IQCH: variants seen among roughly 807,000 people sequenced by gnomAD.
IQCH encodes the protein IQ motif containing H, also known as IQ domain-containing protein H.
IQCH carries 98 observed loss-of-function variants against 117.0 expected under a neutral mutation model. That is an observed-to-expected ratio of 0.84 (90% CI 0.71 to 0.99). The LOEUF is 0.99. Ranked by LOEUF, IQCH falls within the 50% of genes least tolerant of loss-of-function variation. The pLI is 0.00. For synonymous variants in IQCH, 412 were observed against 448.2 expected, an observed-to-expected ratio of 0.92 and a Z score of 1.02; for missense variants, 1,102 against 1,243.8, an observed-to-expected ratio of 0.89 and a Z score of 1.72.
chr15:67,485,019 C>T (rs895935286), intron 18 of IQCH, among the ~76,000 whole-genome samples: 1 of 152,060 alleles, frequency 6.6e-6, no homozygotes, highest in South Asian at 2.1e-4. Flanking sequence ...ATAACTCCAC[C>T]GATCCCAGCC....
chr15:67,293,589 T>G (rs1966826529), intron 4 of IQCH, among the ~76,000 whole-genome samples: 1 of 150,888 alleles, frequency 6.6e-6, no homozygotes, highest in African/African-American at 2.5e-5. Flanking sequence ...TACAGATACA[T>G]TTTTTAAAAA....
intron 4 of IQCH, among the ~76,000 whole-genome samples, chr15:67,333,746 C>A (rs1968771973): frequency 6.6e-6 from 1 of 152,068 alleles, no homozygotes; most frequent in Non-Finnish European, 1.5e-5. Context: ...TTAAGCTTTT[C>A]TATATTTTTT....
At chr15:67,263,098 T>C (rs781499732) in intron 2 of IQCH, 24 bp from the exon 3 acceptor site, 17 of 1,260,672 alleles carry the variant, frequency 1.3e-5, no homozygotes, top group Non-Finnish European at 1.7e-5. Flanking sequence ...AATAATTGCC[T>C]AAACTTTGAC....
chr15:67,466,120 A>G lies in IQCH; in HGVS notation c.2676+823A>G, dbSNP rs2082926241. Among the ~76,000 whole-genome samples the G allele has an allele frequency of 6.6e-6, 1 of 152,002 alleles. No homozygotes were observed. The highest frequency in any genetic ancestry group is 6.6e-5 in the Admixed American group (1 of 15,258). ...CACAGCTGCCGCCTCCTCCCTTCTTATTGCTAGCTCCATCAGTGAGGGGGC... is the reference window on the plus strand; with the variant it reads ...CACAGCTGCCGCCTCCTCCCTTCTTGTTGCTAGCTCCATCAGTGAGGGGGC... On this transcript the variant is annotated intron_variant, in intron 17 of 20. Coordinates refer to ENST00000335894, the MANE Select transcript of IQCH (RefSeq NM_001031715.3). This position sits in a 1 kb window ranked among gnomAD's most constrained non-coding sequence, Gnocchi z 4.4.
rs182927972 is a variant in IQCH, at chr15:67,299,605, T to A, written c.387+20093T>A. Among the ~76,000 whole-genome samples, 286 of 152,240 alleles carry A rather than the reference T, an allele frequency of 1.9e-3. 1 individual carries two copies. The highest frequency in any genetic ancestry group is 5.2e-3 in the Admixed American group (80 of 15,282). On this transcript the variant is annotated intron_variant, in intron 4 of 20. Coordinates refer to ENST00000335894, the MANE Select transcript of IQCH (RefSeq NM_001031715.3). ...TCCACAAAAATTAAAAATAAAAAAA[T>A]TTTAATGTCAATTATTTGTTGAAGA...
chr15:67,323,856 TTATCTTTTATATTTGCCATATA>T (rs1968262734), intron 4 of IQCH, among the ~76,000 whole-genome samples: 1 of 152,084 alleles, frequency 6.6e-6, no homozygotes, highest in Admixed American at 6.5e-5. Flanking sequence ...GAAAAAGATA[TTATCTTTTATATTTGCCATATA>T]TATCTGAGTT....
At position 67,473,403 on chromosome 15, in the gene IQCH, C is replaced by A. The variant is rs1009434510; in HGVS notation, c.2677-2293C>A. Among the ~76,000 whole-genome samples the A allele has an allele frequency of 7.3e-5, 11 of 151,660 alleles. No individual in the cohort carries two copies. The highest frequency in any genetic ancestry group is 2.7e-4 in the African/African-American group (11 of 40,950). On this transcript the variant is annotated intron_variant, in intron 17 of 20. Coordinates refer to ENST00000335894, the MANE Select transcript of IQCH (RefSeq NM_001031715.3). This position sits in a 1 kb window ranked among gnomAD's most constrained non-coding sequence, Gnocchi z 4.9. ...CCACCAATTATTCCTGCTTAGTCCA[C>A]CAGAGCCATGCTGTCCTCCAGCAGG...
At chr15:67,302,143 A>T (rs2140532314) in intron 4 of IQCH, among the ~76,000 whole-genome samples, 1 of 152,320 alleles carries the variant, frequency 6.6e-6, no homozygotes, top group African/African-American at 2.4e-5. Context: ...CCCATAATTA[A>T]AATGTTCTAA....
chr15:67,392,307 G>A (rs142990200), intron 12 of IQCH, among the ~76,000 whole-genome samples: 2 of 152,242 alleles, frequency 1.3e-5, no homozygotes, highest in African/African-American at 2.4e-5. Context: ...CATTCAGTTC[G>A]TTTTCTTTTA....
intron 16 of IQCH, among the ~76,000 whole-genome samples, chr15:67,440,136 C>G (rs1444862437): frequency 6.6e-6 from 1 of 152,122 alleles, no homozygotes; most frequent in East Asian, 1.9e-4. Context: ...GGATAAATTC[C>G]TGGAAAAATA....
At chr15:67,314,618 A>T (rs1185308616) in intron 4 of IQCH, among the ~76,000 whole-genome samples, 1 of 152,160 alleles carries the variant, frequency 6.6e-6, no homozygotes, top group African/African-American at 2.4e-5. Flanking sequence ...AGGAGTCACA[A>T]CATAGTTGTA....
At chr15:67,400,340 C>T in intron 14 of IQCH, 35 bp downstream of exon 14, 1 of 1,528,232 alleles carries the variant, frequency 6.5e-7, no homozygotes, top group Non-Finnish European at 9.1e-7. Context: ...CCCGCAGGGT[C>T]TGTGAACAGT....
At position 67,404,542 on chromosome 15, in the gene IQCH, T is replaced by C. The variant is rs1378522472; in HGVS notation, c.2097+4237T>C. ...AGATTAAAAAAAATTTAAAAGTACA[T>C]AATCACTGTCCCCAAACATAGTTGT... On this transcript the variant is annotated intron_variant, in intron 14 of 20. Transcript: ENST00000335894. The surrounding 1 kb of genome is among the most constrained non-coding windows in gnomAD (Gnocchi z 4.6). 3 of 152,162 alleles carry C rather than the reference T, an allele frequency of 2.0e-5. No homozygotes were observed. The highest frequency in any genetic ancestry group is 2.9e-5 in the Non-Finnish European group (2 of 68,026). The allele number at this position is 152,162 out of a possible 1,614,324, so 9.4% of individuals were successfully genotyped here.
intron 3 of IQCH, among the ~76,000 whole-genome samples, chr15:67,272,662 CCTT>C (rs1281074464): frequency 6.6e-6 from 1 of 152,204 alleles, no homozygotes. Flanking sequence ...TGAATTGACT[CCTT>C]TAATGATATA....
At chr15:67,355,708 G>GTTT (rs1380284168) in intron 6 of IQCH, among the ~76,000 whole-genome samples, 1 of 152,140 alleles carries the variant, frequency 6.6e-6, no homozygotes, top group African/African-American at 2.4e-5. Context: ...TTTTCCAGCA[G>GTTT]GGAAATTGAG....
At chr15:67,309,785 G>A (rs1189898210) in intron 4 of IQCH, among the ~76,000 whole-genome samples, 2 of 151,472 alleles carry the variant, frequency 1.3e-5, no homozygotes, top group Non-Finnish European at 2.9e-5. Flanking sequence ...GCTGGGAGGG[G>A]CTTGGAGCTG....
At chr15:67,273,924 C>A (rs1162512933) in intron 3 of IQCH, among the ~76,000 whole-genome samples, 2 of 152,188 alleles carry the variant, frequency 1.3e-5, no homozygotes, top group Non-Finnish European at 2.9e-5. Flanking sequence ...TTGAAGGATA[C>A]CTCTGATGGA....
At position 67,426,510 on chromosome 15, in the gene IQCH, C is replaced by T. The variant is rs2081892946; in HGVS notation, c.2505+4933C>T. On this transcript the variant is annotated intron_variant, in intron 16 of 20. Transcript: ENST00000335894. This position sits in a 1 kb window ranked among gnomAD's most constrained non-coding sequence, Gnocchi z 5.1. The stretch of plus-strand genomic sequence containing the variant: ...ACATTGTATGCATGTATCAAAATAG[C>T]ACATGTATGGCCAAAATATATATAA... 6.6e-6 allele frequency among the ~76,000 whole-genome samples: 1 copy of T among 151,080 alleles called. No individual in the cohort carries two copies. Among genetic ancestry groups the T allele is most frequent in the African/African-American group, 2.4e-5 (1 of 41,048 alleles).
intron 4 of IQCH, among the ~76,000 whole-genome samples, chr15:67,280,127 A>G (rs766422198): frequency 2.6e-5 from 4 of 152,260 alleles, no homozygotes; most frequent in Non-Finnish European, 4.4e-5. Context: ...GTTAGAAAAC[A>G]TAATGTATAG....
Sources: allele counts gnomAD v4.1 joint callset (sites outside exome capture counted in the v4.1 genomes callset), GRCh38; gene constraint gnomAD v4.1.1; non-coding constraint Gnocchi (gnomAD v3.1); transcripts MANE v1.5; gene names NCBI Gene and HGNC (gene_info 2026-07-23, HGNC 2026-07-21).